SIPA1L3: variants seen among roughly 807,000 people sequenced by gnomAD.
SIPA1L3 encodes signal induced proliferation associated 1 like 3.
A neutral mutation model predicts 150.1 loss-of-function variants in SIPA1L3; 59 were observed. The ratio of observed to expected loss-of-function variants is 0.39; its 90% CI spans 0.32 to 0.49. The LOEUF is 0.49. Among genes scored for constraint, SIPA1L3 ranks in the 20% least tolerant of loss-of-function variants. The pLI, the probability that SIPA1L3 is intolerant of heterozygous loss-of-function variation, is 0.86. For synonymous variants in SIPA1L3, 1,070 were observed against 1,077.6 expected, an observed-to-expected ratio of 0.99 and a Z score of 0.14; for missense variants, 2,211 against 2,489.5, an observed-to-expected ratio of 0.89 and a Z score of 2.38.
intron 2 of SIPA1L3, among the ~76,000 whole-genome samples, chr19:38,052,001 A>C (rs1271375026): frequency 6.6e-6 from 1 of 152,232 alleles, no homozygotes; most frequent in Non-Finnish European, 1.5e-5. Flanking sequence ...TGACCAACAC[A>C]TGGCCAGTCT....
intron 13 of SIPA1L3, among the ~76,000 whole-genome samples, chr19:38,157,014 T>A (rs2569517): frequency 0.61 from 92,461 of 151,288 alleles, 28,707 homozygotes; most frequent in African/African-American, 0.7. Context: ...AATAAAAAAA[T>A]ATAGCTAGGT....
chr19:38,174,067 C>T (rs1972387434), intron 15 of SIPA1L3, among the ~76,000 whole-genome samples: 1 of 152,098 alleles, frequency 6.6e-6, no homozygotes, highest in African/African-American at 2.4e-5. Context: ...CAGGATCTCT[C>T]TGGCTGTGTG....
At chr19:37,915,729 T>C (rs1436621215) in intron 1 of SIPA1L3, among the ~76,000 whole-genome samples, 1 of 152,192 alleles carries the variant, frequency 6.6e-6, no homozygotes, top group African/African-American at 2.4e-5. Context: ...TAAAGTATCA[T>C]ACTATAGCCC....
intron 15 of SIPA1L3, among the ~76,000 whole-genome samples, chr19:38,173,861 C>G (rs1314639030): frequency 6.6e-6 from 1 of 152,004 alleles, no homozygotes; most frequent in African/African-American, 2.4e-5. Flanking sequence ...GTGCAAAGGT[C>G]CCAAGGTAGC....
chr19:38,023,313 C>T (rs374527701), intron 1 of SIPA1L3, among the ~76,000 whole-genome samples: 1 of 152,166 alleles, frequency 6.6e-6, no homozygotes. Flanking sequence ...AGTGACCCAA[C>T]CTTAGTCGTG....
intron 1 of SIPA1L3, among the ~76,000 whole-genome samples, chr19:37,924,011 G>A (rs575266798): frequency 2.1e-4 from 32 of 152,160 alleles, no homozygotes; most frequent in Non-Finnish European, 3.7e-4. Flanking sequence ...CTACCCTCTG[G>A]TGATCTGCCT....
chr19:38,133,306 T>C (rs924868947), intron 10 of SIPA1L3, among the ~76,000 whole-genome samples: 2 of 152,240 alleles, frequency 1.3e-5, no homozygotes, highest in African/African-American at 4.8e-5. Context: ...AGATCCATCA[T>C]TTCATGACGG....
At chr19:37,968,898 C>T (rs946789007) in intron 1 of SIPA1L3, among the ~76,000 whole-genome samples, 16 of 152,242 alleles carry the variant, frequency 1.1e-4, no homozygotes, top group South Asian at 2.1e-4. Context: ...GGAAGGTGGT[C>T]GATTGGCTTA....
chr19:38,158,791 CTG>C (rs922353166), intron 13 of SIPA1L3, among the ~76,000 whole-genome samples: 11 of 152,294 alleles, frequency 7.2e-5, no homozygotes, highest in African/African-American at 2.6e-4. Flanking sequence ...AGCAGGAAAA[CTG>C]TGGGAGATGC....
chr19:38,198,128 A>G (rs1370682007), intron 18 of SIPA1L3, among the ~76,000 whole-genome samples: 1 of 152,250 alleles, frequency 6.6e-6, no homozygotes, highest in Non-Finnish European at 1.5e-5. Context: ...TCTGCCTGGA[A>G]TGTTCCTCCC....
At chr19:38,190,465 T>A (rs573839933) in intron 16 of SIPA1L3, among the ~76,000 whole-genome samples, 1 of 152,190 alleles carries the variant, frequency 6.6e-6, no homozygotes, top group Non-Finnish European at 1.5e-5. Context: ...GAATTCCAAT[T>A]TGGGGAGGAA....
intron 1 of SIPA1L3, among the ~76,000 whole-genome samples, chr19:37,950,535 G>A (rs886954609): frequency 5.9e-5 from 9 of 152,202 alleles, no homozygotes; most frequent in African/African-American, 1.7e-4. Context: ...GATTTGGGGC[G>A]ACTGGAAATT....
At chr19:38,177,722 T>C (rs1972467728) in intron 15 of SIPA1L3, among the ~76,000 whole-genome samples, 1 of 151,462 alleles carries the variant, frequency 6.6e-6, no homozygotes, top group Non-Finnish European at 1.5e-5. Context: ...TGCATAGTTT[T>C]TGATCATAAG....
chr19:38,066,006 A>T, intron 2 of SIPA1L3, among the ~76,000 whole-genome samples: 4 of 145,080 alleles, frequency 2.8e-5, no homozygotes, highest in South Asian at 2.1e-4. Flanking sequence ...TTATTTATTT[A>T]TTTATTTATT....
chr19:38,105,136 TCACCTGAGGTCAGGG>T (rs1970594531), intron 6 of SIPA1L3, among the ~76,000 whole-genome samples: 2 of 151,656 alleles, frequency 1.3e-5, no homozygotes, highest in Admixed American at 1.3e-4. Flanking sequence ...GGCAGGTGGA[TCACCTGAGGTCAGGG>T]GTTCAACCAG....
At chr19:38,167,429 C>G (rs918037774) in intron 15 of SIPA1L3, among the ~76,000 whole-genome samples, 1 of 152,186 alleles carries the variant, frequency 6.6e-6, no homozygotes, top group East Asian at 1.9e-4. Context: ...GTCAGCACTT[C>G]CCCGGGCACA....
chr19:38,155,731 G>A (rs1028780578), intron 13 of SIPA1L3, among the ~76,000 whole-genome samples: 5 of 152,122 alleles, frequency 3.3e-5, no homozygotes, highest in African/African-American at 7.2e-5. Context: ...TGTGGGGTAC[G>A]GAAGAGGCTG....
At chr19:37,993,434 C>T (rs539443674) in intron 1 of SIPA1L3, among the ~76,000 whole-genome samples, 30 of 152,266 alleles carry the variant, frequency 2.0e-4, no homozygotes, top group African/African-American at 5.8e-4. Flanking sequence ...TGGGTTCAAG[C>T]GATTCTCTTG....
At chr19:37,994,579 C>T (rs918138314) in intron 1 of SIPA1L3, among the ~76,000 whole-genome samples, 11 of 152,148 alleles carry the variant, frequency 7.2e-5, no homozygotes, top group South Asian at 2.1e-4. Context: ...TGTAGTTTCC[C>T]ACATCAGAGG....
Sources: gnomAD v4.1 joint callset for allele counts (sites outside exome capture counted in the v4.1 genomes callset) on GRCh38, gnomAD v4.1.1 for gene constraint, MANE v1.5 for transcripts, NCBI Gene and HGNC (gene_info 2026-07-23, HGNC 2026-07-21) for gene names.